KCNQ3: variants seen among roughly 807,000 people sequenced by gnomAD.
KCNQ3 encodes the protein potassium voltage-gated channel subfamily KQT member 3.
Under a neutral mutation model 92.5 loss-of-function variants are expected in KCNQ3, and 30 were observed. That is an observed-to-expected ratio of 0.32 (90% CI 0.24 to 0.44). The LOEUF (loss-of-function observed/expected upper bound fraction) is 0.44. Among genes scored for constraint, KCNQ3 ranks in the 20% least tolerant of loss-of-function variants. The pLI is 1.00. For synonymous variants in KCNQ3, 450 were observed against 468.8 expected, an observed-to-expected ratio of 0.96 and a Z score of 0.52; for missense variants, 913 against 1,140.3, an observed-to-expected ratio of 0.80 and a Z score of 2.87.
At chr8:132,422,813 C>T (rs1563905925) in intron 1 of KCNQ3, among the ~76,000 whole-genome samples, 3 of 152,276 alleles carry the variant, frequency 2.0e-5, no homozygotes, top group African/African-American at 2.4e-5. Flanking sequence ...ATGATGGATC[C>T]GTAAGCTTAG....
At chr8:132,470,431 T>G (rs1822272264) in intron 1 of KCNQ3, among the ~76,000 whole-genome samples, 2 of 152,272 alleles carry the variant, frequency 1.3e-5, no homozygotes, top group African/African-American at 2.4e-5. Flanking sequence ...TCTTTTTCTC[T>G]TTCTCATTTT....
chr8:132,130,893 T>G (rs1179700384), intron 14 of KCNQ3, among the ~76,000 whole-genome samples: 1 of 152,206 alleles, frequency 6.6e-6, no homozygotes, highest in Non-Finnish European at 1.5e-5. Context: ...GCTTTGACAA[T>G]TCACAACTCA....
intron 1 of KCNQ3, among the ~76,000 whole-genome samples, chr8:132,253,429 G>T (rs1243790075): frequency 1.3e-5 from 2 of 152,160 alleles, no homozygotes; most frequent in African/African-American, 4.8e-5. Context: ...TGGTATGTAG[G>T]TACTGATGTT....
At chr8:132,180,131 TC>T (rs765028631) in intron 4 of KCNQ3, 25 bp downstream of exon 4, 22 of 1,613,366 alleles carry the variant, frequency 1.4e-5, no homozygotes, top group Non-Finnish European at 1.4e-5. Context: ...GCCCATGTGG[TC>T]CTGCAGTTTC....
intron 1 of KCNQ3, among the ~76,000 whole-genome samples, chr8:132,377,661 T>C (rs1344602216): frequency 2.0e-5 from 3 of 152,332 alleles, no homozygotes; most frequent in East Asian, 1.9e-4. Context: ...CTCTCATCCA[T>C]GTCCAAGGCT....
chr8:132,435,207 CTCTT>C (rs1346467556), intron 1 of KCNQ3, among the ~76,000 whole-genome samples: 1 of 152,192 alleles, frequency 6.6e-6, no homozygotes, highest in African/African-American at 2.4e-5. Context: ...GATCATTATT[CTCTT>C]TGTTTTATTT....
intron 1 of KCNQ3, among the ~76,000 whole-genome samples, chr8:132,386,133 C>T (rs1012339678): frequency 6.6e-6 from 1 of 152,096 alleles, no homozygotes. Flanking sequence ...AAAAAGCATA[C>T]TCTCCTGATT....
chr8:132,480,310 C>T lies in KCNQ3; in HGVS notation c.223G>A (p.Asp75Asn). 6.2e-7 allele frequency: 1 copy of T among 1,601,644 alleles called. No individual in the cohort carries two copies. Among genetic ancestry groups the T allele is most frequent in the Non-Finnish European group, 8.5e-7 (1 of 1,174,888 alleles). The change falls in exon 1 of 15, where the codon GAC (aspartate) becomes AAC (asparagine). Residue 75 changes from aspartate to asparagine, a missense_variant. By Grantham distance (23) the Asp-to-Asn change is conservative. Around this residue, in one of 6 missense-constraint regions of KCNQ3, gnomAD observed 183 missense variants for 167.7 expected, o/e 1.09. Transcript: ENST00000388996. Reference sequence around the variant, plus strand: ...TGCGGGGTCCTCCGCTGCCCCTCGTCGCGGCCGCCGCCCTCCAGCAGCAGG... The same window carrying T: ...TGCGGGGTCCTCCGCTGCCCCTCGTTGCGGCCGCCGCCCTCCAGCAGCAGG... ...GTLLLEGGGRDEGQRRTPQGI... is the reference protein window; with the variant it reads ...GTLLLEGGGRNEGQRRTPQGI...
chr8:132,247,098 G>T (rs16904637), intron 1 of KCNQ3, among the ~76,000 whole-genome samples: 11,259 of 152,250 alleles, frequency 0.074, 534 homozygotes, highest in South Asian at 0.14. Context: ...ACAGCATCCT[G>T]TGACTGCCTC....
chr8:132,294,386 G>A (rs1344774348), intron 1 of KCNQ3, among the ~76,000 whole-genome samples: 2 of 152,162 alleles, frequency 1.3e-5, no homozygotes, highest in Non-Finnish European at 2.9e-5. Context: ...TGCAGACATT[G>A]TTATGAGGAG....
At chr8:132,170,282 G>A (rs1204153955) in intron 8 of KCNQ3, 52 bp downstream of exon 8, 53 of 1,305,484 alleles carry the variant, frequency 4.1e-5, no homozygotes, top group African/African-American at 1.0e-4. Flanking sequence ...AATACAGACC[G>A]CAGGAGAGAT....
chr8:132,348,230 A>G (rs1183044218), intron 1 of KCNQ3, among the ~76,000 whole-genome samples: 1 of 152,100 alleles, frequency 6.6e-6, no homozygotes, highest in Admixed American at 6.6e-5. Flanking sequence ...TGCTGCCAGG[A>G]TCATAAGCCA....
rs61354265 is a variant in KCNQ3, at chr8:132,187,906, G to GTGGTGGTGGTGGTAGTGATAGTGA, written c.387-1726_387-1725insTCACTATCACTACCACCACCACCA. 7.3e-3 allele frequency among the ~76,000 whole-genome samples: 655 copies of GTGGTGGTGGTGGTAGTGATAGTGA among 89,740 alleles called. 14 individuals are homozygous for GTGGTGGTGGTGGTAGTGATAGTGA. The highest frequency in any genetic ancestry group is 0.034 in the African/African-American group (576 of 16,954). 58.9% of individuals were successfully genotyped at this position (89,740 alleles called of 152,430 possible). A position where few individuals can be genotyped will look rare whatever the true frequency, so the allele number is the denominator to read the frequency against. On this transcript the variant is annotated intron_variant, in intron 1 of 14. Coordinates refer to ENST00000388996, the MANE Select transcript of KCNQ3 (RefSeq NM_004519.4). ...GGTGGCGGTGGTGGTGGTGGTGATGGTGGTGGTGGTGTTGGTGGTGATAGT... is the reference window on the plus strand; with the variant it reads ...GGTGGCGGTGGTGGTGGTGGTGATGGTGGTGGTGGTGGTAGTGATAGTGATGGTGGTGGTGTTGGTGGTGATAGT...
At position 132,218,747 on chromosome 8, in the gene KCNQ3, G is replaced by A. The variant is rs1031852992; in HGVS notation, c.387-32566C>T. ...ATGGTAGCAAATATTCCTGGAAATA[G>A]TCAATTTAAAAGGAGAAATCTTTTC... is the stretch of plus-strand genomic sequence containing the variant. On this transcript the variant is annotated intron_variant, in intron 1 of 14. Coordinates refer to ENST00000388996, the MANE Select transcript of KCNQ3 (RefSeq NM_004519.4). Among the ~76,000 whole-genome samples the A allele has an allele frequency of 5.3e-5, 8 of 152,272 alleles. No homozygotes were observed. In the South Asian group the frequency reaches 6.2e-4, roughly 12 times the overall value.
intron 1 of KCNQ3, among the ~76,000 whole-genome samples, chr8:132,336,704 C>T (rs928765155): frequency 2.6e-5 from 4 of 152,214 alleles, no homozygotes; most frequent in African/African-American, 9.6e-5. Context: ...CACTCCCTCT[C>T]CCTCCTCATA....
intron 1 of KCNQ3, among the ~76,000 whole-genome samples, chr8:132,267,846 G>T (rs1423695309): frequency 6.6e-6 from 1 of 152,070 alleles, no homozygotes; most frequent in Non-Finnish European, 1.5e-5. Flanking sequence ...ATATATCCCT[G>T]TCCCCAAACA....
chr8:132,131,438 C>T (rs1422292484), intron 14 of KCNQ3, among the ~76,000 whole-genome samples: 1 of 152,158 alleles, frequency 6.6e-6, no homozygotes, highest in East Asian at 1.9e-4. Context: ...CCTGTGCCTG[C>T]CCTCCTTCCG....
intron 1 of KCNQ3, among the ~76,000 whole-genome samples, chr8:132,471,334 G>A (rs999640613): frequency 1.3e-5 from 2 of 152,156 alleles, no homozygotes; most frequent in Non-Finnish European, 2.9e-5. Flanking sequence ...AGCCTGGGCA[G>A]ATCTCCTAAC....
intron 12 of KCNQ3, among the ~76,000 whole-genome samples, chr8:132,135,744 G>GT (rs1293766416): frequency 4.6e-5 from 7 of 151,952 alleles, no homozygotes; most frequent in Non-Finnish European, 8.8e-5. Context: ...CTCAAAATTT[G>GT]TTCACACATC....
Sources: allele counts gnomAD v4.1 joint callset (sites outside exome capture counted in the v4.1 genomes callset), GRCh38; gene constraint gnomAD v4.1.1; regional missense constraint gnomAD v4.1.1; transcripts MANE v1.5; gene names NCBI Gene and HGNC (gene_info 2026-07-23, HGNC 2026-07-21).